Variants in SLC36A1 observed in about 807,000 individuals in gnomAD.
SLC36A1 encodes proton-coupled amino acid transporter 1.
SLC36A1 carries 30 observed loss-of-function variants against 47.5 expected under a neutral mutation model. That is an observed-to-expected ratio of 0.63 (90% CI 0.47 to 0.86). SLC36A1 has a LOEUF of 0.86. Among genes scored for constraint, SLC36A1 ranks in the 40% least tolerant of loss-of-function variants. SLC36A1 has a pLI of 0.00. For missense variants in SLC36A1, 517 were observed against 606.0 expected (o/e 0.85, Z 1.54); for synonymous variants, 255 against 249.7 (o/e 1.02, Z -0.20).
chr5:151,418,383 G>A, the SLC36A1 span, among the ~76,000 whole-genome samples: 1 of 152,222 alleles, frequency 6.6e-6, no homozygotes, highest in Non-Finnish European at 1.5e-5. Flanking sequence ...ACCAGCCCAT[G>A]AAAAGCAGCC....
the SLC36A1 span, among the ~76,000 whole-genome samples, chr5:151,498,563 A>C: frequency 1.3e-5 from 2 of 152,060 alleles, no homozygotes; most frequent in South Asian, 4.1e-4. Flanking sequence ...TGCTGCTGCA[A>C]TCTTCTCCCC....
chr5:151,532,620 G>A, the SLC36A1 span, among the ~76,000 whole-genome samples: 28 of 152,276 alleles, frequency 1.8e-4, no homozygotes, highest in Middle Eastern at 3.4e-3. Context: ...CTATAATTAC[G>A]TCAACATAAA....
chr5:151,387,432 C>A, the SLC36A1 span, among the ~76,000 whole-genome samples: 1 of 152,122 alleles, frequency 6.6e-6, no homozygotes, highest in Non-Finnish European at 1.5e-5. Flanking sequence ...GAAACAATTG[C>A]AAACATGTCT....
the SLC36A1 span, among the ~76,000 whole-genome samples, chr5:151,422,631 G>A: frequency 6.6e-6 from 1 of 152,162 alleles, no homozygotes; most frequent in Non-Finnish European, 1.5e-5. Flanking sequence ...GGGAGGCTGA[G>A]GTGGGAGGAT....
At chr5:151,519,559 T>A in the SLC36A1 span, among the ~76,000 whole-genome samples, 9 of 152,170 alleles carry the variant, frequency 5.9e-5, no homozygotes, top group African/African-American at 2.2e-4. Context: ...CGTGGAAATA[T>A]GTATTTTAAA....
At chr5:151,483,517 T>TTGGGGGG (rs1759099418) in intron 10 of SLC36A1, among the ~76,000 whole-genome samples, 1 of 126,242 alleles carries the variant, frequency 7.9e-6, no homozygotes, top group African/African-American at 4.0e-5. Context: ...TTTGTGTGTG[T>TTGGGGGG]GGGGGGGGTG....
the SLC36A1 span, among the ~76,000 whole-genome samples, chr5:151,426,346 C>G: frequency 1.3e-5 from 2 of 151,864 alleles, no homozygotes; most frequent in African/African-American, 2.4e-5. Flanking sequence ...ATCACTATCT[C>G]TCCTATCTCG....
chr5:151,399,649 A>G, the SLC36A1 span, among the ~76,000 whole-genome samples: 1 of 152,228 alleles, frequency 6.6e-6, no homozygotes, highest in African/African-American at 2.4e-5. Context: ...GTAATTTTAA[A>G]TATGAACATC....
At chr5:151,548,555 A>G in the SLC36A1 span, among the ~76,000 whole-genome samples, 5 of 152,134 alleles carry the variant, frequency 3.3e-5, no homozygotes, top group Non-Finnish European at 4.4e-5. Context: ...ATCTCAGCTC[A>G]CTGCAACCTC....
the SLC36A1 span, among the ~76,000 whole-genome samples, chr5:151,516,654 T>C: frequency 6.6e-6 from 1 of 152,228 alleles, no homozygotes; most frequent in South Asian, 2.1e-4. Context: ...ATTGTCAGTC[T>C]CTCCCCCATA....
the SLC36A1 span, among the ~76,000 whole-genome samples, chr5:151,532,417 A>G: frequency 7.0e-6 from 1 of 143,082 alleles, no homozygotes; most frequent in Non-Finnish European, 1.5e-5. Context: ...ACACACACAC[A>G]CGCAAATGAG....
At chr5:151,439,244 C>T (rs553867462) in intron 1 of SLC36A1, among the ~76,000 whole-genome samples, 1 of 152,232 alleles carries the variant, frequency 6.6e-6, no homozygotes, top group East Asian at 1.9e-4. Flanking sequence ...CCACCCAGGC[C>T]CCTCCCTTGA....
chr5:151,391,170 A>G, the SLC36A1 span, among the ~76,000 whole-genome samples: 7 of 152,140 alleles, frequency 4.6e-5, no homozygotes, highest in Middle Eastern at 3.4e-3. Flanking sequence ...CTTTGAAGCA[A>G]TTGTGAATGG....
chr5:151,396,933 CTCTT>C, the SLC36A1 span, among the ~76,000 whole-genome samples: 5 of 152,196 alleles, frequency 3.3e-5, no homozygotes, highest in Non-Finnish European at 4.4e-5. Flanking sequence ...AGAAGTCACA[CTCTT>C]AAGTATTCTG....
chr5:151,439,759 T>A (rs921810314), intron 1 of SLC36A1, among the ~76,000 whole-genome samples: 3 of 152,180 alleles, frequency 2.0e-5, no homozygotes, highest in Non-Finnish European at 2.9e-5. Flanking sequence ...ACTTTTCCTA[T>A]GTACTTGAGC....
At chr5:151,403,585 T>G in the SLC36A1 span, among the ~76,000 whole-genome samples, 6 of 152,300 alleles carry the variant, frequency 3.9e-5, no homozygotes, top group South Asian at 2.1e-4. Context: ...ATGTACAGCC[T>G]GCAGAACCAT....
chr5:151,479,572 G>A, intron 10 of SLC36A1, 83 bp downstream of exon 10: 1 of 1,498,166 alleles, frequency 6.7e-7, no homozygotes, highest in East Asian at 2.3e-5. Flanking sequence ...AAGACAATGT[G>A]TGTTGTAGTG....
At chr5:151,384,371 AG>A in the SLC36A1 span, among the ~76,000 whole-genome samples, 1 of 152,382 alleles carries the variant, frequency 6.6e-6, no homozygotes, top group Non-Finnish European at 1.5e-5. Context: ...GGTGTGAGCC[AG>A]GAAGAAACAA....
chr5:151,363,579 C>T, the SLC36A1 span, among the ~76,000 whole-genome samples: 1 of 152,128 alleles, frequency 6.6e-6, no homozygotes, highest in African/African-American at 2.4e-5. Context: ...AGATCATCCC[C>T]AGAGCTTATC....
Sources: gnomAD v4.1 joint callset for allele counts (sites outside exome capture counted in the v4.1 genomes callset) on GRCh38, gnomAD v4.1.1 for gene constraint, MANE v1.5 for transcripts, NCBI Gene and HGNC (gene_info 2026-07-23, HGNC 2026-07-21) for gene names.